OTUB1: variants seen among roughly 807,000 people sequenced by gnomAD.
The protein encoded by OTUB1 is ubiquitin thioesterase OTUB1.
A neutral mutation model predicts 35.8 loss-of-function variants in OTUB1; 10 were observed. The observed-to-expected ratio is 0.28, with a 90% CI of 0.17 to 0.47. The LOEUF (loss-of-function observed/expected upper bound fraction) is 0.47. OTUB1 is among the 20% of genes least tolerant of loss of function. OTUB1 has a pLI of 0.99. For synonymous variants in OTUB1, 158 were observed against 143.8 expected (o/e 1.10, Z -0.71); for missense variants, 264 against 351.6 (o/e 0.75, Z 1.99).
In OTUB1 at chr11:63,986,520, G is replaced by C. The variant is rs750615155; in HGVS notation, c.58+6G>C. ...GCTGGGCAGCGACTCCGAAGGTACA[G>C]ATCCAAGGAGGGATGTCCGGCCCGG... On this transcript the variant is annotated splice_donor_region_variant and intron_variant, in intron 1 of 6. Transcript: ENST00000538426. The C allele has an allele frequency of 2.0e-5, 31 of 1,547,116 alleles. No individual in the cohort carries two copies. In the South Asian group the frequency reaches 3.3e-4, roughly 17 times the overall value.
Position 63,997,217 on chromosome 11 carries a change from A to G in OTUB1, c.591A>G (p.Gly197=), listed in dbSNP as rs1487464807. ...SKFFEHFIEG[G]RTVKEFCQQE... ...TCTTCGAGCACTTCATCGAGGGTGGACGGACTGTCAAGGAGTTCTGCCAGC... is the reference window on the plus strand; with the variant it reads ...TCTTCGAGCACTTCATCGAGGGTGGGCGGACTGTCAAGGAGTTCTGCCAGC... The change falls in exon 6 of 7, where the codon GGA becomes GGG. Residue 197 remains glycine (G), a synonymous_variant. Coordinates refer to ENST00000538426, the MANE Select transcript of OTUB1 (RefSeq NM_017670.3). 6.2e-7 allele frequency: 1 copy of G among 1,614,150 alleles called. No individual in the cohort carries two copies.
At position 63,997,745 on chromosome 11, in the gene OTUB1, C is replaced by G. The variant is rs1377066519; in HGVS notation, c.*199C>G. The G allele has an allele frequency of 1.4e-5, 10 of 703,580 alleles. No individual in the cohort carries two copies. In the East Asian group the frequency reaches 2.7e-4, roughly 19 times the overall value. 43.6% of individuals were successfully genotyped at this position (703,580 alleles called of 1,614,324 possible). A position where few individuals can be genotyped will look rare whatever the true frequency, so the allele number is the denominator to read the frequency against. On this transcript the variant is annotated 3_prime_UTR_variant, in exon 7 of 7. Transcript: ENST00000538426. ...CTGCTCTGCTGCCCGCCTGGCTGCT[C>G]TGTCTGCTGCCCCCTCCCCCCAGGT... is the stretch of plus-strand genomic sequence containing the variant.
Position 63,997,718 on chromosome 11 carries a change from C to T in OTUB1, c.*172C>T, listed in dbSNP as rs1164200341. The T allele has an allele frequency of 1.4e-6, 1 of 712,770 alleles. No individual in the cohort carries two copies. Among genetic ancestry groups the T allele is most frequent in the Non-Finnish European group, 2.5e-6 (1 of 394,766 alleles). The allele number at this position is 712,770 out of a possible 1,614,324, so 44.2% of individuals were successfully genotyped here. ...CTGGTGGTGAGCCGTGTGTGCGTGT[C>T]CCTGCTCTGCTGCCCGCCTGGCTGC... is the stretch of plus-strand genomic sequence containing the variant. On this transcript the variant is annotated 3_prime_UTR_variant, in exon 7 of 7. Transcript: ENST00000538426.
intron 3 of OTUB1, among the ~76,000 whole-genome samples, chr11:63,996,124 G>C (rs1942714297): frequency 6.6e-6 from 1 of 152,172 alleles, no homozygotes; most frequent in Admixed American, 6.5e-5. Flanking sequence ...GGGCTGTGCA[G>C]AGGGCCCCAG....
At position 63,998,408 on chromosome 11, in the gene OTUB1, C is replaced by G. The variant is rs1565187665; in HGVS notation, c.*862C>G. The G allele has an allele frequency of 5.5e-6, 1 of 182,560 alleles. No homozygotes were observed. The highest frequency in any genetic ancestry group is 1.1e-5 in the Non-Finnish European group (1 of 89,562). 11.3% of individuals were successfully genotyped at this position (182,560 alleles called of 1,614,324 possible). On this transcript the variant is annotated 3_prime_UTR_variant, in exon 7 of 7. Coordinates refer to ENST00000538426, the MANE Select transcript of OTUB1 (RefSeq NM_017670.3). ...GGCCCTCAATAAATGTGAACTGCTG[C>G]TGCCGCCTCTGCCGTCCGCCTGTGC...
At chr11:63,995,160 G>A (rs1942705525) in intron 3 of OTUB1, among the ~76,000 whole-genome samples, 1 of 152,014 alleles carries the variant, frequency 6.6e-6, no homozygotes, top group African/African-American at 2.4e-5. Context: ...TCAGCCTCTC[G>A]AGTGGCTGGG....
chr11:63,986,681 C>G (rs1403388395), intron 1 of OTUB1, among the ~76,000 whole-genome samples, 167 bp downstream of exon 1: 2 of 152,116 alleles, frequency 1.3e-5, no homozygotes, highest in African/African-American at 4.8e-5. Flanking sequence ...ATGGAAGGAG[C>G]CACCGCCGCG....
rs201398690 is a variant in OTUB1 at position 63,988,771 on chromosome 11, C to G, written c.219+19C>G. The G allele has an allele frequency of 6.4e-7, 1 of 1,559,830 alleles. No individual in the cohort carries two copies. Among genetic ancestry groups the G allele is most frequent in the East Asian group, 2.2e-5 (1 of 44,542 alleles). On this transcript the variant is annotated intron_variant, in intron 3 of 6. Transcript: ENST00000538426. ...GATCAAGGTGGGAGCCTGGCCAGAG[C>G]GGGTGGGAAGCACCCTGGGGGTGGG...
In OTUB1 at chr11:63,997,778, C is replaced by G. The variant is rs528607400; in HGVS notation, c.*232C>G. The stretch of plus-strand genomic sequence containing the variant: ...TGCCCCCTCCCCCCAGGTGGGTCCC[C>G]CTGCTTTTCACCTATCTACTCCTGA... On this transcript the variant is annotated 3_prime_UTR_variant, in exon 7 of 7. Coordinates refer to ENST00000538426, the MANE Select transcript of OTUB1 (RefSeq NM_017670.3). 1 of 700,962 alleles carries G rather than the reference C, an allele frequency of 1.4e-6. No individual in the cohort carries two copies. Among genetic ancestry groups the G allele is most frequent in the Non-Finnish European group, 2.6e-6 (1 of 385,074 alleles). The allele number at this position is 700,962 out of a possible 1,614,324, so 43.4% of individuals were successfully genotyped here.
In OTUB1 at chr11:63,997,403, C is replaced by A. The variant is rs778249039; in HGVS notation, c.673C>A (p.Gln225Lys). 6.2e-7 allele frequency: 1 copy of A among 1,614,098 alleles called. No individual in the cohort carries two copies. Among genetic ancestry groups the A allele is most frequent in the Non-Finnish European group, 8.5e-7 (1 of 1,180,012 alleles). The part of the protein sequence containing the change: ...SDHIHIIALA[Q>K]ALSVSIQVEY... Reference sequence around the variant, plus strand: ...CCACATCCACATCATTGCGCTGGCCCAGGCCCTCAGCGTGTCCATCCAGGT... The same window carrying A: ...CCACATCCACATCATTGCGCTGGCCAAGGCCCTCAGCGTGTCCATCCAGGT... Residue 225 changes from glutamine to lysine, a missense_variant, in exon 7 of 7, where the codon CAG (glutamine) becomes AAG (lysine). Physicochemically the swap from Gln to Lys is moderately conservative, Grantham distance 53. Around this residue, in one of 2 missense-constraint regions of OTUB1, gnomAD observed 214 missense variants for 317.1 expected, o/e 0.67. Transcript: ENST00000538426.
At chr11:63,994,052 G>A (rs1389709697) in intron 3 of OTUB1, among the ~76,000 whole-genome samples, 1 of 151,968 alleles carries the variant, frequency 6.6e-6, no homozygotes, top group Non-Finnish European at 1.5e-5. Flanking sequence ...GCTTGAGCCT[G>A]GTAGGTTGAT....
chr11:63,995,548 C>T (rs1268609126), intron 3 of OTUB1, among the ~76,000 whole-genome samples: 2 of 151,772 alleles, frequency 1.3e-5, no homozygotes, highest in East Asian at 1.9e-4. Context: ...AGGCTGGTCT[C>T]GAACTCCTAG....
rs368773572 is a variant in OTUB1, at chr11:63,990,597, A to AAAAAAAATAAAT, written c.219+1848_219+1849insAAAATAAATAAA. 4 of 144,830 alleles carry AAAAAAAATAAAT rather than the reference A, an allele frequency of 2.8e-5. No homozygotes were observed. The South Asian group carries it at 6.5e-4, about 24-fold the overall frequency. The allele number at this position is 144,830 out of a possible 1,614,324, so 9.0% of individuals were successfully genotyped here. A position where few individuals can be genotyped will look rare whatever the true frequency, so the allele number is the denominator to read the frequency against. ...GAGACCTGTCTCTTAAAAAAATAAAAAAATAAATAAATAAATAAATAAATA... is the reference window on the plus strand; with the variant it reads ...GAGACCTGTCTCTTAAAAAAATAAAAAAAAAAATAAATAAATAAATAAATAAATAAATAAATA... On this transcript the variant is annotated intron_variant, in intron 3 of 6. Coordinates refer to ENST00000538426, the MANE Select transcript of OTUB1 (RefSeq NM_017670.3).
rs1488269742 is a variant in OTUB1, at chr11:63,988,697, C to T, written c.164C>T (p.Ser55Leu). ...NPLVSERLEL[S>L]VLYKEYAEDD... is the part of the protein sequence containing the mutation. Reference sequence around the variant, plus strand: ...CTGGTGTCAGAGCGGCTGGAGCTCTCGGTCCTATACAAGGAGTATGCTGAA... The same window carrying T: ...CTGGTGTCAGAGCGGCTGGAGCTCTTGGTCCTATACAAGGAGTATGCTGAA... The change falls in exon 3 of 7, where the codon TCG becomes TTG. Residue 55 changes from serine to leucine, a missense_variant. Physicochemically the swap from Ser to Leu is moderately radical, Grantham distance 145 (BLOSUM62 -2). Around this residue, in one of 2 missense-constraint regions of OTUB1, gnomAD observed 214 missense variants for 317.1 expected, o/e 0.67. Coordinates refer to ENST00000538426, the MANE Select transcript of OTUB1 (RefSeq NM_017670.3). 3 of 1,613,252 alleles carry T rather than the reference C, an allele frequency of 1.9e-6. No individual in the cohort carries two copies. The highest frequency in any genetic ancestry group is 2.5e-6 in the Non-Finnish European group (3 of 1,179,830).
At chr11:63,988,973 C>A in intron 3 of OTUB1, 1 of 465,512 alleles carries the variant, frequency 2.1e-6, no homozygotes, top group Non-Finnish European at 3.8e-6. Flanking sequence ...AAGATCACAC[C>A]ATTGCACTCC....
chr11:63,992,183 C>G (rs1942678475), intron 3 of OTUB1, among the ~76,000 whole-genome samples: 1 of 151,446 alleles, frequency 6.6e-6, no homozygotes, highest in Non-Finnish European at 1.5e-5. Context: ...CACTGCACTC[C>G]AGCCTGAGTG....
chr11:63,997,104 G>A lies in OTUB1; in HGVS notation c.478G>A (p.Ala160Thr). Residue 160 changes from alanine to threonine, a missense_variant, in exon 6 of 7, where the codon GCC becomes ACC. By Grantham distance (58) the Ala-to-Thr change is moderately conservative. Coordinates refer to ENST00000538426, the MANE Select transcript of OTUB1 (RefSeq NM_017670.3). ...EKQTSVADLLASFNDQSTSDY... is the reference protein window; with the variant it reads ...EKQTSVADLLTSFNDQSTSDY... ...GCAGACCTCTGTCGCCGACCTGCTGGCCTCCTTCAATGACCAGAGCACCTC... is the reference window on the plus strand; with the variant it reads ...GCAGACCTCTGTCGCCGACCTGCTGACCTCCTTCAATGACCAGAGCACCTC... 1 of 1,614,186 alleles carries A rather than the reference G, an allele frequency of 6.2e-7. No homozygotes were observed. Among genetic ancestry groups the A allele is most frequent in the Non-Finnish European group, 8.5e-7 (1 of 1,180,030 alleles).
Position 63,997,549 on chromosome 11 carries a change from C to G in OTUB1, c.*3C>G. ...ACTACGATATCCTCTACAAATAGGG[C>G]TGGCTCCAGCCCGCTGCTGCCCTGC... On this transcript the variant is annotated 3_prime_UTR_variant, in exon 7 of 7. Transcript: ENST00000538426. 3 of 1,612,416 alleles carry G rather than the reference C, an allele frequency of 1.9e-6. No individual in the cohort carries two copies. The highest frequency in any genetic ancestry group is 2.5e-6 in the Non-Finnish European group (3 of 1,178,822).
intron 3 of OTUB1, among the ~76,000 whole-genome samples, chr11:63,991,489 C>T (rs913756517): frequency 6.6e-6 from 1 of 152,238 alleles, no homozygotes; most frequent in Admixed American, 6.5e-5. Context: ...CCTCTCTGTG[C>T]CCCCAGCACC....
Sources: gnomAD v4.1 joint callset for allele counts (sites outside exome capture counted in the v4.1 genomes callset) on GRCh38, gnomAD v4.1.1 for gene constraint, gnomAD v4.1.1 regional missense constraint, MANE v1.5 for transcripts, NCBI Gene and HGNC (gene_info 2026-07-23, HGNC 2026-07-21) for gene names.